The following CADPS2 variants were observed in gnomAD, a reference collection of about 807,000 sequenced individuals.
CADPS2 encodes calcium-dependent secretion activator 2.
CADPS2 carries 93 observed loss-of-function variants against 172.5 expected under a neutral mutation model. The ratio of observed to expected loss-of-function variants is 0.54; its 90% CI spans 0.46 to 0.64. The LOEUF is 0.64. CADPS2 is among the 30% of genes least tolerant of loss of function. The pLI, the probability that CADPS2 is intolerant of heterozygous loss-of-function variation, is 0.00. For missense variants in CADPS2, 1,420 were observed against 1,565.9 expected (o/e 0.91, Z 1.57); for synonymous variants, 546 against 555.2 (o/e 0.98, Z 0.23).
chr7:122,478,068 A>G (rs1268412959), intron 12 of CADPS2, among the ~76,000 whole-genome samples: 2 of 152,210 alleles, frequency 1.3e-5, no homozygotes, highest in East Asian at 3.8e-4. Flanking sequence ...CAGGTATAAC[A>G]TACCTATATG....
At chr7:122,471,271 TGC>T in intron 14 of CADPS2, 102 bp downstream of exon 14, 1 of 868,300 alleles carries the variant, frequency 1.2e-6, no homozygotes, top group East Asian at 3.1e-5. Context: ...AAGAAGTGTT[TGC>T]TATTTACAAT....
In CADPS2 at chr7:122,471,439, C is replaced by G. The variant is rs771052221; in HGVS notation, c.2122G>C (p.Val708Leu). 35 of 1,613,492 alleles carry G rather than the reference C, an allele frequency of 2.2e-5. 1 individual carries two copies. The South Asian group carries it at 3.6e-4, about 17-fold the overall frequency. The change falls in exon 14 of 30, where the codon GTC becomes CTC. Residue 708 changes from valine (V) to leucine (L), a missense_variant. Val to Leu is a conservative substitution (Grantham distance 32). Coordinates refer to ENST00000449022, the MANE Select transcript of CADPS2 (RefSeq NM_017954.11). ...ELMEHSENGAVIDPTLLHYSF... is the reference protein window; with the variant it reads ...ELMEHSENGALIDPTLLHYSF... ...TAATGGAGCAGGGTAGGGTCAATGA[C>G]AGCACCATTTTCTGAATGTTCCATC...
intron 1 of CADPS2, among the ~76,000 whole-genome samples, chr7:122,879,622 CA>C (rs1424040738): frequency 6.6e-6 from 1 of 152,022 alleles, no homozygotes; most frequent in Non-Finnish European, 1.5e-5. Flanking sequence ...TCCTCACAAG[CA>C]ATCAGAAAGA....
At chr7:122,341,783 G>A (rs1167247384) in intron 28 of CADPS2, among the ~76,000 whole-genome samples, 2 of 152,072 alleles carry the variant, frequency 1.3e-5, no homozygotes, top group South Asian at 2.1e-4. Context: ...AAATGATATA[G>A]GTGAAGCACC....
At chr7:122,881,639 T>A (rs1318641295) in intron 1 of CADPS2, among the ~76,000 whole-genome samples, 2 of 152,124 alleles carry the variant, frequency 1.3e-5, no homozygotes, top group African/African-American at 4.8e-5. Flanking sequence ...GTATGGCATT[T>A]TTGGACTATC....
At chr7:122,339,175 C>A (rs1344519190) in intron 28 of CADPS2, among the ~76,000 whole-genome samples, 1 of 152,150 alleles carries the variant, frequency 6.6e-6, no homozygotes, top group Non-Finnish European at 1.5e-5. Context: ...TGATTACATA[C>A]ACAAAGAAAC....
chr7:122,481,277 G>C (rs1470757297), intron 11 of CADPS2, among the ~76,000 whole-genome samples: 1 of 151,316 alleles, frequency 6.6e-6, no homozygotes, highest in Non-Finnish European at 1.5e-5. Context: ...GTCAGCAGAG[G>C]TCTGCCCTGA....
chr7:122,481,993 T>C, intron 11 of CADPS2, among the ~76,000 whole-genome samples: 1 of 152,292 alleles, frequency 6.6e-6, no homozygotes, highest in East Asian at 1.9e-4. Flanking sequence ...ATGGCACCAC[T>C]GCACTTCCTC....
intron 17 of CADPS2, among the ~76,000 whole-genome samples, chr7:122,435,250 T>C (rs1391938849): frequency 6.6e-6 from 1 of 152,110 alleles, no homozygotes; most frequent in Admixed American, 6.6e-5. Context: ...TTGCACACCA[T>C]ACATTTGAGA....
intron 1 of CADPS2, among the ~76,000 whole-genome samples, chr7:122,843,102 C>T (rs1367179301): frequency 6.6e-6 from 1 of 152,128 alleles, no homozygotes; most frequent in Non-Finnish European, 1.5e-5. Context: ...TCAGAATTAG[C>T]TTAGGATACC....
chr7:122,876,837 T>A, intron 1 of CADPS2, among the ~76,000 whole-genome samples: 1 of 151,924 alleles, frequency 6.6e-6, no homozygotes, highest in African/African-American at 2.4e-5. Flanking sequence ...GAAAAAGCAA[T>A]AGGCTAAAAA....
intron 9 of CADPS2, 133 bp downstream of exon 9, chr7:122,513,116 A>G (rs1373325549): frequency 1.6e-6 from 1 of 625,086 alleles, no homozygotes; most frequent in East Asian, 2.8e-5. Flanking sequence ...TAATGAATGT[A>G]CTGCTTTTAT....
At chr7:122,865,791 T>C (rs1468454012) in intron 1 of CADPS2, among the ~76,000 whole-genome samples, 2 of 152,238 alleles carry the variant, frequency 1.3e-5, no homozygotes, top group Non-Finnish European at 2.9e-5. Context: ...CTAAAAATTC[T>C]GTTGCTTATA....
At chr7:122,528,125 GGT>G (rs931470515) in intron 8 of CADPS2, among the ~76,000 whole-genome samples, 7 of 69,574 alleles carry the variant, frequency 1.0e-4, no homozygotes, top group African/African-American at 3.1e-4. Flanking sequence ...TGGTGGTGGT[GGT>G]GGTGGTGGTG....
At chr7:122,614,248 T>C (rs1233425006) in intron 6 of CADPS2, among the ~76,000 whole-genome samples, 1 of 152,034 alleles carries the variant, frequency 6.6e-6, no homozygotes, top group Non-Finnish European at 1.5e-5. Flanking sequence ...TAGGTTAGGA[T>C]GAGAAGCTTC....
intron 6 of CADPS2, among the ~76,000 whole-genome samples, chr7:122,599,225 C>T (rs970011566): frequency 1.3e-4 from 20 of 151,990 alleles, no homozygotes; most frequent in African/African-American, 2.4e-4. Flanking sequence ...CCCTCCAAAA[C>T]GCAACAGAAT....
intron 1 of CADPS2, among the ~76,000 whole-genome samples, chr7:122,799,567 G>C (rs1797141751): frequency 6.9e-6 from 1 of 145,516 alleles, no homozygotes; most frequent in Middle Eastern, 3.6e-3. Flanking sequence ...TCGCACCACT[G>C]CACTCCAGCC....
chr7:122,512,891 C>CT (rs1563557113), intron 9 of CADPS2, among the ~76,000 whole-genome samples: 5 of 152,080 alleles, frequency 3.3e-5, no homozygotes, highest in African/African-American at 1.2e-4. Flanking sequence ...CTTTTTCACA[C>CT]TTTTTCTCCC....
chr7:122,389,046 C>T (rs1292420653), intron 22 of CADPS2, among the ~76,000 whole-genome samples: 1 of 152,014 alleles, frequency 6.6e-6, no homozygotes, highest in Non-Finnish European at 1.5e-5. Flanking sequence ...TGTAACTGTT[C>T]TTTACCAATC....
Sources: gnomAD v4.1 joint callset for allele counts (sites outside exome capture counted in the v4.1 genomes callset) on GRCh38, gnomAD v4.1.1 for gene constraint, MANE v1.5 for transcripts, NCBI Gene and HGNC (gene_info 2026-07-23, HGNC 2026-07-21) for gene names.